The following MVB12B variants were observed in gnomAD, a reference collection of about 807,000 sequenced individuals.
MVB12B encodes multivesicular body subunit 12B.
In MVB12B, 16 loss-of-function variants were observed where a neutral mutation model predicts 41.6. The ratio of observed to expected loss-of-function variants is 0.38; its 90% CI spans 0.26 to 0.58. The LOEUF is 0.58. MVB12B is among the 20% of genes least tolerant of loss of function. The probability of loss-of-function intolerance (pLI) is 0.62; values close to 1 mark genes in which losing one functional copy is unlikely to be tolerated. For synonymous variants in MVB12B, 133 were observed against 139.7 expected (o/e 0.95, Z 0.34); for missense variants, 274 against 380.2 (o/e 0.72, Z 2.32).
intron 2 of MVB12B, among the ~76,000 whole-genome samples, chr9:126,368,419 C>T (rs1016709586): frequency 1.3e-5 from 2 of 152,192 alleles, no homozygotes; most frequent in African/African-American, 2.4e-5. Flanking sequence ...CCCTGCTTTG[C>T]TTTTTCTTCC....
At chr9:126,342,061 T>C (rs1194789140) in intron 2 of MVB12B, among the ~76,000 whole-genome samples, 1 of 152,218 alleles carries the variant, frequency 6.6e-6, no homozygotes, top group Admixed American at 6.5e-5. Context: ...TGTATAACTT[T>C]CCATAAAATA....
At chr9:126,354,892 AAATAT>A (rs1434044998) in intron 2 of MVB12B, among the ~76,000 whole-genome samples, 1 of 152,232 alleles carries the variant, frequency 6.6e-6, no homozygotes, top group Non-Finnish European at 1.5e-5. Context: ...AGGATAATAG[AAATAT>A]CATCGATTTT....
At chr9:126,484,092 C>T in intron 9 of MVB12B, 60 bp downstream of exon 9, 8 of 1,509,004 alleles carry the variant, frequency 5.3e-6, no homozygotes, top group Non-Finnish European at 6.4e-6. Context: ...ACACCGGCGT[C>T]TCTCGTGTGT....
chr9:126,422,059 CTTCCCTGCAGGGGACCTG>C (rs1832037760), intron 7 of MVB12B, 111 bp downstream of exon 7: 11 of 793,604 alleles, frequency 1.4e-5, no homozygotes, highest in South Asian at 5.8e-5. Context: ...CCTCTCTTTT[CTTCCCTGCAGGGGACCTG>C]TTCCCTGCAG....
At chr9:126,458,889 G>A (rs1242815061) in intron 7 of MVB12B, among the ~76,000 whole-genome samples, 4 of 152,210 alleles carry the variant, frequency 2.6e-5, no homozygotes, top group African/African-American at 9.7e-5. Context: ...GAGTTAGGTA[G>A]GGAGAGAGAC....
chr9:126,496,204 C>CCCACCCATCCCT (rs6151183), intron 9 of MVB12B, among the ~76,000 whole-genome samples: 1 of 122,108 alleles, frequency 8.2e-6, no homozygotes, highest in Non-Finnish European at 1.7e-5. Flanking sequence ...CACCCACCTA[C>CCCACCCATCCCT]CCACCCGTCC....
chr9:126,392,164 A>C lies in MVB12B; in HGVS notation c.508A>C (p.Lys170Gln). ...ICDIRIMGRT[K>Q]QAPPQYTFIG... ...TGACATTCGGATCATGGGCCGGACC[A>C]AGCAGGCCCCGCCTCAGTACACGTT... The change falls in exon 5 of 10, where the codon AAG becomes CAG. Residue 170 changes from lysine (K) to glutamine (Q), a missense_variant. Physicochemically the swap from Lys to Gln is moderately conservative, Grantham distance 53. Transcript: ENST00000361171. The surrounding 1 kb of genome is among the most constrained non-coding windows in gnomAD (Gnocchi z 4.8). The C allele has an allele frequency of 1.2e-6, 2 of 1,614,200 alleles. No individual in the cohort carries two copies. Among genetic ancestry groups the C allele is most frequent in the Non-Finnish European group, 1.7e-6 (2 of 1,180,022 alleles).
chr9:126,356,222 A>G (rs1443223853), intron 2 of MVB12B, among the ~76,000 whole-genome samples: 1 of 152,220 alleles, frequency 6.6e-6, no homozygotes, highest in East Asian at 1.9e-4. Context: ...ATTGCACAAA[A>G]TACTATGTTT....
chr9:126,409,299 CTGTG>C (rs61211126), intron 6 of MVB12B, among the ~76,000 whole-genome samples: 17,491 of 137,892 alleles, frequency 0.13, 1,109 homozygotes, highest in African/African-American at 0.17. Flanking sequence ...GTGAGTAACT[CTGTG>C]TGTGTGTGTG....
chr9:126,329,323 C>T (rs1376902405), intron 1 of MVB12B, among the ~76,000 whole-genome samples: 3 of 152,216 alleles, frequency 2.0e-5, no homozygotes, highest in East Asian at 1.9e-4. Context: ...TATGTGACTG[C>T]ACTTGGCACT....
chr9:126,340,686 T>C lies in MVB12B; in HGVS notation c.204+56T>C. The C allele has an allele frequency of 6.3e-7, 1 of 1,593,852 alleles. No homozygotes were observed. The highest frequency in any genetic ancestry group is 1.1e-5 in the South Asian group (1 of 90,044). ...CTCACTGATTCTACAAGTATTTATC[T>C]CCTGTGTCCAAGACCTTCTGGCCCT... On this transcript the variant is annotated intron_variant, in intron 2 of 9. Transcript: ENST00000361171. The surrounding 1 kb of genome is among the most constrained non-coding windows in gnomAD (Gnocchi z 4.0).
At chr9:126,415,863 T>C (rs1034735425) in intron 6 of MVB12B, among the ~76,000 whole-genome samples, 1 of 152,098 alleles carries the variant, frequency 6.6e-6, no homozygotes, top group African/African-American at 2.4e-5. Context: ...GCAGGTGTTA[T>C]AAGAGTGTGG....
chr9:126,501,773 C>G (rs371625894), intron 9 of MVB12B, among the ~76,000 whole-genome samples: 4 of 152,212 alleles, frequency 2.6e-5, no homozygotes, highest in African/African-American at 9.6e-5. Context: ...CCCTGCGGCC[C>G]TCCTCGCTCA....
rs60489071 is a variant in MVB12B, at chr9:126,488,344, CAAAAAAAA to C, written c.873+4326_873+4333del. Among the ~76,000 whole-genome samples, 195 of 132,270 alleles carry C rather than the reference CAAAAAAAA, an allele frequency of 1.5e-3. 1 individual carries two copies. Among genetic ancestry groups the C allele is most frequent in the Non-Finnish European group, 2.3e-3 (147 of 63,074 alleles). The allele number at this position is 132,270 out of a possible 152,430, so 86.8% of individuals were successfully genotyped here. A position where few individuals can be genotyped will look rare whatever the true frequency, so the allele number is the denominator to read the frequency against. On this transcript the variant is annotated intron_variant, in intron 9 of 9. Transcript: ENST00000361171. ...ACCTTTGTGTTTTATACCATTAAAC[CAAAAAAAA>C]AAAAAAAAAAAAATAGAGTAAATAC...
intron 7 of MVB12B, among the ~76,000 whole-genome samples, chr9:126,466,957 A>C (rs1302393641): frequency 6.6e-6 from 1 of 151,922 alleles, no homozygotes; most frequent in Non-Finnish European, 1.5e-5. Flanking sequence ...CCTCCCGAGT[A>C]GCTGGGACCA....
intron 2 of MVB12B, among the ~76,000 whole-genome samples, chr9:126,343,881 C>T (rs1049410581): frequency 2.0e-5 from 3 of 152,126 alleles, no homozygotes; most frequent in African/African-American, 7.2e-5. Context: ...TGCGCCACTG[C>T]GCTCCAGCCT....
At chr9:126,424,763 G>A (rs751058153) in intron 7 of MVB12B, among the ~76,000 whole-genome samples, 4 of 152,196 alleles carry the variant, frequency 2.6e-5, no homozygotes, top group Non-Finnish European at 5.9e-5. Context: ...TGTGGCCTGC[G>A]CTCTGCTCTC....
intron 2 of MVB12B, among the ~76,000 whole-genome samples, chr9:126,345,124 G>A (rs187005925): frequency 1.3e-5 from 2 of 150,014 alleles, no homozygotes; most frequent in Admixed American, 1.3e-4. Flanking sequence ...TTAAAACTCA[G>A]AGGATCTTGA....
At chr9:126,447,242 C>A (rs1310548628) in intron 7 of MVB12B, among the ~76,000 whole-genome samples, 1 of 143,106 alleles carries the variant, frequency 7.0e-6, no homozygotes, top group Non-Finnish European at 1.5e-5. Context: ...ACACTGCCCC[C>A]AGCCACCTTT....
Sources: allele counts gnomAD v4.1 joint callset (sites outside exome capture counted in the v4.1 genomes callset), GRCh38; gene constraint gnomAD v4.1.1; non-coding constraint Gnocchi (gnomAD v3.1); transcripts MANE v1.5; gene names NCBI Gene and HGNC (gene_info 2026-07-23, HGNC 2026-07-21).